Variants in OXNAD1 observed in about 807,000 individuals in gnomAD.
OXNAD1 encodes oxidoreductase NAD-binding domain-containing protein 1.
OXNAD1 carries 34 observed loss-of-function variants against 32.9 expected under a neutral mutation model. The observed-to-expected ratio is 1.03, with a 90% confidence interval of 0.79 to 1.38. The LOEUF (loss-of-function observed/expected upper bound fraction) is 1.38, where lower values mean the gene tolerates loss of function less well. OXNAD1 is among the 40% of genes most tolerant of loss of function. The probability of loss-of-function intolerance (pLI) is 0.00; values close to 1 mark genes in which losing one functional copy is unlikely to be tolerated. For missense variants in OXNAD1, 407 were observed against 379.4 expected (o/e 1.07, Z -0.60); for synonymous variants, 134 against 135.2 (o/e 0.99, Z 0.06).
chr3:16,282,144 A>G (rs917522771), intron 4 of OXNAD1, among the ~76,000 whole-genome samples: 1 of 150,556 alleles, frequency 6.6e-6, no homozygotes, highest in African/African-American at 2.4e-5. Flanking sequence ...TGGTCTCCCA[A>G]AATACTTCTG....
intron 9 of OXNAD1, chr3:16,323,380 G>A (rs947354084): frequency 5.6e-6 from 9 of 1,605,788 alleles, no homozygotes; most frequent in South Asian, 3.3e-5. Flanking sequence ...TCTTACCTTC[G>A]ATTCCTTCTT....
Position 16,303,628 on chromosome 3 carries a change from G to T in OXNAD1, c.*66G>T. 1 of 1,502,732 alleles carries T rather than the reference G, an allele frequency of 6.7e-7. No homozygotes were observed. The highest frequency in any genetic ancestry group is 8.9e-7 in the Non-Finnish European group (1 of 1,123,338). The allele number at this position is 1,502,732 out of a possible 1,614,324, so 93.1% of individuals were successfully genotyped here. On this transcript the variant is annotated 3_prime_UTR_variant, in exon 9 of 9. Coordinates refer to ENST00000285083, the MANE Select transcript of OXNAD1 (RefSeq NM_138381.5). The surrounding 1 kb of genome is among the most constrained non-coding windows in gnomAD (Gnocchi z 4.8). ...CTCAGGAGAGCTCCTGTCCTTTGTG[G>T]CATGATTAATTTTTTTTATCTCTAC...
At chr3:16,274,028 C>A (rs2065147693) in intron 4 of OXNAD1, among the ~76,000 whole-genome samples, 2 of 151,850 alleles carry the variant, frequency 1.3e-5, no homozygotes. Flanking sequence ...CTGTGGTTTA[C>A]AAATGAGGCA....
rs2071481782 is a variant in OXNAD1 at position 16,344,020 on chromosome 3, G to A, written c.*31-5156G>A. 6.6e-6 allele frequency among the ~76,000 whole-genome samples: 1 copy of A among 152,166 alleles called. No homozygotes were observed. Among genetic ancestry groups the A allele is most frequent in the Non-Finnish European group, 1.5e-5 (1 of 68,030 alleles). Reference sequence around the variant, plus strand: ...AGAGTGAGCAACCAGAAAGAAACATGGGCTGTGATCTGGAAATGTTCACTG... The same window carrying A: ...AGAGTGAGCAACCAGAAAGAAACATAGGCTGTGATCTGGAAATGTTCACTG... On this transcript the variant is annotated intron_variant, in intron 9 of 9. Coordinates refer to the OXNAD1 transcript ENST00000606098. The surrounding 1 kb of genome is among the most constrained non-coding windows in gnomAD (Gnocchi z 4.4).
intron 9 of OXNAD1, among the ~76,000 whole-genome samples, chr3:16,343,071 C>T (rs1337837729): frequency 1.3e-5 from 2 of 152,124 alleles, no homozygotes; most frequent in Non-Finnish European, 2.9e-5. Context: ...TTTTGAACTC[C>T]TGGGCTTAAA....
chr3:16,316,787 G>C lies in OXNAD1; in HGVS notation c.*30+13195G>C, dbSNP rs1228335759. The C allele has an allele frequency of 6.2e-7, 1 of 1,611,298 alleles. No homozygotes were observed. The highest frequency in any genetic ancestry group is 1.1e-5 in the South Asian group (1 of 90,796). Reference sequence around the variant, plus strand: ...ACCAGCTGTTGGTAAGATGCCTTGGGTTTGGCAACTCACCTAGTTTTAGCA... The same window carrying C: ...ACCAGCTGTTGGTAAGATGCCTTGGCTTTGGCAACTCACCTAGTTTTAGCA... On this transcript the variant is annotated intron_variant, in intron 9 of 9. Transcript: ENST00000435829. This position sits in a 1 kb window ranked among gnomAD's most constrained non-coding sequence, Gnocchi z 4.5.
rs1369827474 is a variant in OXNAD1, at chr3:16,327,556, A to G, written c.*31-9556A>G. 6.6e-6 allele frequency among the ~76,000 whole-genome samples: 1 copy of G among 152,020 alleles called. No individual in the cohort carries two copies. Among genetic ancestry groups the G allele is most frequent in the African/African-American group, 2.4e-5 (1 of 41,396 alleles). On this transcript the variant is annotated intron_variant, in intron 9 of 9. Transcript: ENST00000435829. The surrounding 1 kb of genome is among the most constrained non-coding windows in gnomAD (Gnocchi z 4.2). ...AGGTGGATCACATGGTCAGGAGATC[A>G]AGACCATCCTGGCTAACACAGTGAA...
At chr3:16,279,433 A>G (rs968615208) in intron 4 of OXNAD1, among the ~76,000 whole-genome samples, 3 of 152,122 alleles carry the variant, frequency 2.0e-5, no homozygotes, top group African/African-American at 7.2e-5. Flanking sequence ...CCGGAGAAAA[A>G]AAGAGTTCCC....
intron 9 of OXNAD1, among the ~76,000 whole-genome samples, chr3:16,326,204 G>A (rs1164468783): frequency 2.6e-5 from 4 of 152,244 alleles, no homozygotes; most frequent in African/African-American, 9.6e-5. Context: ...AGAGCTGAGA[G>A]TGGACAAATG....
At chr3:16,343,415 A>G (rs2071437503) in intron 9 of OXNAD1, among the ~76,000 whole-genome samples, 1 of 152,230 alleles carries the variant, frequency 6.6e-6, no homozygotes, top group Non-Finnish European at 1.5e-5. Context: ...CAAAGATATG[A>G]GGAAGCCAGC....
At position 16,344,467 on chromosome 3, in the gene OXNAD1, C is replaced by G. The variant is rs1229104261; in HGVS notation, c.*31-4709C>G. On this transcript the variant is annotated intron_variant, in intron 9 of 9. Transcript: ENST00000606098. This position sits in a 1 kb window ranked among gnomAD's most constrained non-coding sequence, Gnocchi z 4.4. ...GCATGGGTGGGTGGTCCAGAGTCTT[C>G]CCCACTCTCAGACCTGCCCTGGCCT... 6.6e-6 allele frequency among the ~76,000 whole-genome samples: 1 copy of G among 152,034 alleles called. No homozygotes were observed. Among genetic ancestry groups the G allele is most frequent in the African/African-American group, 2.4e-5 (1 of 41,352 alleles).
In OXNAD1 at chr3:16,294,967, C is replaced by A; in HGVS notation, c.402C>A (p.Asn134Lys). Residue 134 changes from asparagine to lysine, a missense_variant, in exon 6 of 9, where the codon AAC becomes AAA. Physicochemically the swap from Asn to Lys is moderately conservative, Grantham distance 94. Transcript: ENST00000285083. ...TAGAATTGGCAGTGAAATATACGAA[C>A]CACCCTCCTGCCCTCTGGGTTCACA... is the stretch of plus-strand genomic sequence containing the variant. ...RVIELAVKYT[N>K]HPPALWVHNT... 1 of 1,613,110 alleles carries A rather than the reference C, an allele frequency of 6.2e-7. No individual in the cohort carries two copies. Among genetic ancestry groups the A allele is most frequent in the Non-Finnish European group, 8.5e-7 (1 of 1,179,542 alleles).
Position 16,322,685 on chromosome 3 carries a change from T to G in OXNAD1, c.*31-14427T>G, listed in dbSNP as rs1279089432. Among the ~76,000 whole-genome samples, 1 of 152,160 alleles carries G rather than the reference T, an allele frequency of 6.6e-6. No individual in the cohort carries two copies. Among genetic ancestry groups the G allele is most frequent in the East Asian group, 1.9e-4 (1 of 5,184 alleles). On this transcript the variant is annotated intron_variant, in intron 9 of 9. Transcript: ENST00000435829. This position sits in a 1 kb window ranked among gnomAD's most constrained non-coding sequence, Gnocchi z 6.2. The stretch of plus-strand genomic sequence containing the variant: ...ATCTGGCACAAGGGTTGCCGACACT[T>G]GCACCTCGTACAGCCCTTGTGCTCA...
At chr3:16,352,051 T>C (rs531196621), downstream of OXNAD1, among the ~76,000 whole-genome samples, 1 of 152,348 alleles carries the variant, frequency 6.6e-6, no homozygotes, top group East Asian at 1.9e-4. The surrounding 1 kb of genome is among the most constrained non-coding windows in gnomAD (Gnocchi z 4.6). Flanking sequence ...CAAATGGACA[T>C]GTATTTACAT....
rs1030022354 is a variant in OXNAD1 at position 16,336,711 on chromosome 3, GA to G, written c.*31-400del. 2.6e-5 allele frequency among the ~76,000 whole-genome samples: 4 copies of G among 152,036 alleles called. No homozygotes were observed. Among genetic ancestry groups the G allele is most frequent in the Non-Finnish European group, 4.4e-5 (3 of 68,014 alleles). ...AGTTCTTAGATGCAGAAAAGGGTCA[GA>G]GGAAAATACATGTAGTGCATAAAAA... On this transcript the variant is annotated intron_variant, in intron 9 of 9. Transcript: ENST00000435829. The surrounding 1 kb of genome is among the most constrained non-coding windows in gnomAD (Gnocchi z 6.0).
rs1413390175 is a variant in OXNAD1, at chr3:16,280,634, G to C, written c.184-5708G>C. 1.3e-5 allele frequency among the ~76,000 whole-genome samples: 2 copies of C among 152,082 alleles called. No homozygotes were observed. Among genetic ancestry groups the C allele is most frequent in the African/African-American group, 4.8e-5 (2 of 41,396 alleles). On this transcript the variant is annotated intron_variant, in intron 4 of 8. Transcript: ENST00000285083. This position sits in a 1 kb window ranked among gnomAD's most constrained non-coding sequence, Gnocchi z 4.5. ...TTTGTTTTAGGTCATCTCTAGTCATGGCTTTGCCTAAATTTTTAAGCCAGA... is the reference window on the plus strand; with the variant it reads ...TTTGTTTTAGGTCATCTCTAGTCATCGCTTTGCCTAAATTTTTAAGCCAGA...
At chr3:16,350,199 A>G (rs777140269) in exon 10 of OXNAD1, 17 of 152,226 alleles carry the variant, frequency 1.1e-4, no homozygotes, top group Non-Finnish European at 2.4e-4. Flanking sequence ...GTCAGCTTAT[A>G]CAGAATGACC....
At position 16,348,758 on chromosome 3, in the gene OXNAD1, A is replaced by G. The variant is rs1181511253; in HGVS notation, c.*31-418A>G. Among the ~76,000 whole-genome samples the G allele has an allele frequency of 7.9e-5, 12 of 152,034 alleles. No individual in the cohort carries two copies. Among genetic ancestry groups the G allele is most frequent in the Admixed American group, 7.2e-4 (11 of 15,272 alleles). On this transcript the variant is annotated intron_variant, in intron 9 of 9. Coordinates refer to the OXNAD1 transcript ENST00000606098. This position sits in a 1 kb window ranked among gnomAD's most constrained non-coding sequence, Gnocchi z 6.3. ...TATGGAACCCCTAATCACCATCTCA[A>G]GTGGTTCTTTCTCATTTTTTATGTA...
intron 9 of OXNAD1, among the ~76,000 whole-genome samples, chr3:16,311,885 T>C (rs1488828676): frequency 1.3e-5 from 2 of 152,222 alleles, no homozygotes; most frequent in African/African-American, 4.8e-5. Flanking sequence ...CCCTTCTGCA[T>C]TGCTGTCTTC....
Sources: allele counts gnomAD v4.1 joint callset (sites outside exome capture counted in the v4.1 genomes callset), GRCh38; gene constraint gnomAD v4.1.1; non-coding constraint Gnocchi (gnomAD v3.1); transcripts MANE v1.5; gene names NCBI Gene and HGNC (gene_info 2026-07-23, HGNC 2026-07-21).